Variants in CDH26 observed in about 807,000 individuals in gnomAD.
The protein encoded by CDH26 is cadherin-like protein 26.
A neutral mutation model predicts 90.3 loss-of-function variants in CDH26; 83 were observed. The ratio of observed to expected loss-of-function variants is 0.92; its 90% CI spans 0.77 to 1.10. The LOEUF (loss-of-function observed/expected upper bound fraction) is 1.10. Ranked by LOEUF, CDH26 falls within the 50% of genes least tolerant of loss-of-function variation. CDH26 has a pLI of 0.00. For missense variants in CDH26, 1,013 were observed against 1,037.6 expected (o/e 0.98, Z 0.33); for synonymous variants, 397 against 396.3 (o/e 1.00, Z -0.02).
At chr20:60,023,389 G>C (rs2061973390) in intron 7 of CDH26, among the ~76,000 whole-genome samples, 1 of 152,216 alleles carries the variant, frequency 6.6e-6, no homozygotes, top group Admixed American at 6.5e-5. Flanking sequence ...ACGTGGCCTT[G>C]GCTTAATGGA....
intron 1 of CDH26, among the ~76,000 whole-genome samples, chr20:59,960,291 T>A (rs1352041593): frequency 6.6e-6 from 1 of 152,152 alleles, no homozygotes; most frequent in African/African-American, 2.4e-5. Context: ...AGCTAGTAAC[T>A]GAATTTATCT....
chr20:59,982,972 C>G lies in CDH26; in HGVS notation c.443C>G (p.Ser148Cys), dbSNP rs149485584. The G allele has an allele frequency of 2.7e-5, 44 of 1,613,920 alleles. No individual in the cohort carries two copies. The African/African-American group carries it at 4.4e-4, about 16-fold the overall frequency. The change falls in exon 5 of 18, where the codon TCC (serine) becomes TGC (cysteine). Residue 148 changes from serine to cysteine, a missense_variant. Transcript: ENST00000348616. The stretch of plus-strand genomic sequence containing the variant: ...TCAACAGGAAAAATTGTGGATACAT[C>G]CTTGATTTTCAACATTAGGATCAGT... ...ERSTGKIVDTSLIFNIRISDV... is the reference protein window; with the variant it reads ...ERSTGKIVDTCLIFNIRISDV...
At chr20:60,032,432 G>A (rs943277051) in intron 8 of CDH26, among the ~76,000 whole-genome samples, 11 of 152,098 alleles carry the variant, frequency 7.2e-5, no homozygotes, top group South Asian at 4.1e-4. Flanking sequence ...AATGTAAGGC[G>A]GATTTCTACT....
At chr20:60,034,051 T>A (rs932894426), downstream of CDH26, 3 of 157,948 alleles carry the variant, frequency 1.9e-5, no homozygotes, top group Admixed American at 6.4e-5. Flanking sequence ...AGGATGCAAC[T>A]AAAGTGAATA....
intron 4 of CDH26, among the ~76,000 whole-genome samples, chr20:59,980,674 G>T (rs2061384944): frequency 6.6e-6 from 1 of 152,114 alleles, no homozygotes; most frequent in African/African-American, 2.4e-5. Context: ...TTTTCTCTCA[G>T]GCAATTGTCT....
intron 1 of CDH26, among the ~76,000 whole-genome samples, chr20:59,962,738 G>T (rs949676309): frequency 6.6e-6 from 1 of 152,170 alleles, no homozygotes; most frequent in Non-Finnish European, 1.5e-5. Context: ...GTGGGTTCCC[G>T]AGGTGGTGGA....
chr20:60,033,383 C>A, intron 8 of CDH26: 1 of 1,228,106 alleles, frequency 8.1e-7, no homozygotes. Context: ...TGCATACATG[C>A]ACGTGGCAAA....
chr20:60,031,187 C>G (rs2062037095), intron 7 of CDH26: 1 of 1,045,326 alleles, frequency 9.6e-7, no homozygotes, highest in African/African-American at 1.7e-5. Flanking sequence ...GTCCAGCTTT[C>G]CAGGAGAACC....
rs1311259454 is a variant in CDH26 at position 59,982,946 on chromosome 20, C to T, written c.417C>T (p.Arg139=). ...AGGTTTATTTTGATGTTGTGGAGCG[C>T]TCAACAGGAAAAATTGTGGATACAT... The part of the protein sequence containing the change: ...SFTVYFDVVE[R]STGKIVDTSL... The change falls in exon 5 of 18, where the codon CGC becomes CGT. Residue 139 remains arginine, a synonymous_variant. Transcript: ENST00000348616. 1.9e-6 allele frequency: 3 copies of T among 1,613,846 alleles called. No homozygotes were observed. The highest frequency in any genetic ancestry group is 2.5e-6 in the Non-Finnish European group (3 of 1,179,952).
At position 59,985,062 on chromosome 20, in the gene CDH26, C is replaced by T. The variant is rs747990384; in HGVS notation, c.770C>T (p.Ser257Phe). The change falls in exon 7 of 18, where the codon TCC (serine) becomes TTC (phenylalanine). Residue 257 changes from serine (S) to phenylalanine (F), a missense_variant. By Grantham distance (155) the Ser-to-Phe change is radical. Coordinates refer to ENST00000348616, the MANE Select transcript of CDH26 (RefSeq NM_177980.4). ...ARDCGEPSLSSTTTVHVDVQE... is the reference protein window; with the variant it reads ...ARDCGEPSLSFTTTVHVDVQE... ...GACTGTGGAGAACCGTCACTGTCAT[C>T]CACGACCACCGTTCACGTGGATGTG... The T allele has an allele frequency of 6.2e-7, 1 of 1,614,148 alleles. No homozygotes were observed.
intron 7 of CDH26, among the ~76,000 whole-genome samples, chr20:60,021,867 C>CACACACACACACACACAT (rs781718000): frequency 0.25 from 22,771 of 90,254 alleles, 4,035 homozygotes; most frequent in East Asian, 0.39. Flanking sequence ...CACACACACA[C>CACACACACACACACACAT]ACACACACAC....
chr20:60,005,193 C>T (rs1352176371), intron 16 of CDH26, among the ~76,000 whole-genome samples: 4 of 152,072 alleles, frequency 2.6e-5, no homozygotes, highest in Non-Finnish European at 5.9e-5. Context: ...GTATATAATA[C>T]ATATGACATA....
chr20:59,996,544 G>A (rs777760320), intron 12 of CDH26, 87 bp from the exon 13 acceptor site: 121 of 1,614,056 alleles, frequency 7.5e-5, no homozygotes, highest in Middle Eastern at 3.3e-4. Flanking sequence ...TCATGACTGA[G>A]TTATACATGA....
At chr20:60,016,174 T>C (rs945131026), downstream of CDH26, among the ~76,000 whole-genome samples, 10 of 152,176 alleles carry the variant, frequency 6.6e-5, no homozygotes, top group Non-Finnish European at 1.3e-4. Context: ...ATTGGTGTTT[T>C]GATAGGGATT....
chr20:59,994,384 G>C lies in CDH26; in HGVS notation c.1561G>C (p.Glu521Gln). Residue 521 changes from glutamate (E) to glutamine (Q), a missense_variant, in exon 11 of 18, where the codon GAG becomes CAG. By Grantham distance (29) the Glu-to-Gln change is conservative. Transcript: ENST00000348616. ...TGCTGTGCATGAGCCCCTCCACATC[G>C]AGGCAGAGGATCCGGACCTGGAGCC... The part of the protein sequence containing the change: ...ESAVHEPLHI[E>Q]AEDPDLEPFS... 1.2e-6 allele frequency: 2 copies of C among 1,614,034 alleles called. No individual in the cohort carries two copies. The highest frequency in any genetic ancestry group is 1.7e-6 in the Non-Finnish European group (2 of 1,180,026).
rs554072547 is a variant in CDH26, at chr20:59,985,242, A to T, written c.837+113A>T. The T allele has an allele frequency of 3.6e-5, 45 of 1,246,384 alleles. No individual in the cohort carries two copies. In the South Asian group the frequency reaches 5.4e-4, roughly 15 times the overall value. 77.2% of individuals were successfully genotyped at this position (1,246,384 alleles called of 1,614,324 possible). A position where few individuals can be genotyped will look rare whatever the true frequency, so the allele number is the denominator to read the frequency against. The stretch of plus-strand genomic sequence containing the variant: ...GGCTGTTATCATATTGCTGTGAAGA[A>T]ATACCTCAGACTGGGTAATTTATAA... On this transcript the variant is annotated intron_variant, in intron 7 of 17. Transcript: ENST00000348616.
rs1292630617 is a variant in CDH26 at position 59,988,927 on chromosome 20, A to G, written c.1047A>G (p.Pro349=). Residue 349 remains proline (P), a synonymous_variant, in exon 9 of 18, where the codon CCA becomes CCG. Coordinates refer to ENST00000348616, the MANE Select transcript of CDH26 (RefSeq NM_177980.4). ...AGCCTTTGGATTATGAGACTCGCCC[A>G]GCGCAAAGCCTCATCATTGTCGTGG... ...VIKPLDYETR[P]AQSLIIVVEN... is the part of the protein sequence containing the mutation. 1 of 1,614,142 alleles carries G rather than the reference A, an allele frequency of 6.2e-7. No individual in the cohort carries two copies. Among genetic ancestry groups the G allele is most frequent in the Non-Finnish European group, 8.5e-7 (1 of 1,180,014 alleles).
At chr20:60,032,272 G>A (rs898961368) in intron 8 of CDH26, among the ~76,000 whole-genome samples, 6 of 152,166 alleles carry the variant, frequency 3.9e-5, no homozygotes, top group African/African-American at 1.4e-4. Context: ...GGGCCTGTAG[G>A]TTGGCTGTGG....
Position 59,992,637 on chromosome 20 carries a change from T to C in CDH26, c.1426+117T>C. 1.0e-6 allele frequency: 1 copy of C among 974,180 alleles called. No individual in the cohort carries two copies. Among genetic ancestry groups the C allele is most frequent in the Non-Finnish European group, 1.5e-6 (1 of 648,136 alleles). The allele number at this position is 974,180 out of a possible 1,614,324, so 60.3% of individuals were successfully genotyped here. On this transcript the variant is annotated intron_variant, in intron 10 of 17. Transcript: ENST00000348616. This position sits in a 1 kb window ranked among gnomAD's most constrained non-coding sequence, Gnocchi z 5.0. ...GAAAAGGATAAAATAAACCTTGTTA[T>C]CACTCTGCATCCATGCTGGTGATTA... is the stretch of plus-strand genomic sequence containing the variant.
Sources: allele counts gnomAD v4.1 joint callset (sites outside exome capture counted in the v4.1 genomes callset), GRCh38; gene constraint gnomAD v4.1.1; non-coding constraint Gnocchi (gnomAD v3.1); transcripts MANE v1.5; gene names NCBI Gene and HGNC (gene_info 2026-07-23, HGNC 2026-07-21).